Variants in CNTN4 observed in about 807,000 individuals in gnomAD.
CNTN4 encodes contactin 4.
In CNTN4, 77 loss-of-function variants were observed where a neutral mutation model predicts 122.5. That is an observed-to-expected ratio of 0.63 (90% CI 0.52 to 0.76). The LOEUF (loss-of-function observed/expected upper bound fraction) is 0.76. Ranked by LOEUF, CNTN4 falls within the 30% of genes least tolerant of loss-of-function variation. CNTN4 has a pLI of 0.00. For missense variants in CNTN4, 1,256 were observed against 1,259.1 expected (o/e 1.00, Z 0.04); for synonymous variants, 512 against 447.0 (o/e 1.15, Z -1.83).
chr3:2,276,526 G>A (rs370601336), intron 2 of CNTN4, among the ~76,000 whole-genome samples: 3 of 152,110 alleles, frequency 2.0e-5, no homozygotes, highest in Non-Finnish European at 2.9e-5. Flanking sequence ...GGTCAATTAA[G>A]TGGTAGGTAT....
intron 3 of CNTN4, among the ~76,000 whole-genome samples, chr3:2,467,371 T>C (rs1418460995): frequency 6.6e-6 from 1 of 152,218 alleles, no homozygotes; most frequent in Non-Finnish European, 1.5e-5. Context: ...TGGACAGTTA[T>C]TAACTCTACT....
At chr3:2,251,541 A>C (rs1382137723) in intron 2 of CNTN4, among the ~76,000 whole-genome samples, 2 of 151,878 alleles carry the variant, frequency 1.3e-5, no homozygotes, top group African/African-American at 4.8e-5. Context: ...AAAATGAAAA[A>C]AAGAATGAAT....
chr3:2,602,929 C>T (rs2081108471), intron 4 of CNTN4, among the ~76,000 whole-genome samples: 1 of 152,132 alleles, frequency 6.6e-6, no homozygotes, highest in Non-Finnish European at 1.5e-5. Context: ...TAGAGTATTT[C>T]CTATTGTATT....
In CNTN4 at chr3:3,034,615, G is replaced by T. The variant is rs1238298869; in HGVS notation, c.1784-17G>T. The T allele has an allele frequency of 3.1e-6, 5 of 1,613,936 alleles. No homozygotes were observed. Among genetic ancestry groups the T allele is most frequent in the Non-Finnish European group, 4.2e-6 (5 of 1,179,856 alleles). The stretch of plus-strand genomic sequence containing the variant: ...TGAATACACTGCTCCAATTCTGGGG[G>T]TCTTGCTCTTTCCCAGGTCCTCCAG... On this transcript the variant is annotated splice_polypyrimidine_tract_variant and intron_variant, in intron 16 of 24. Coordinates refer to ENST00000418658, the MANE Select transcript of CNTN4 (RefSeq NM_175607.3).
chr3:2,720,566 C>G (rs187035776), intron 4 of CNTN4, among the ~76,000 whole-genome samples: 81 of 152,202 alleles, frequency 5.3e-4, no homozygotes, highest in African/African-American at 1.7e-3. Context: ...AAATTTGTGT[C>G]CATGGTGATT....
chr3:2,876,837 AG>A (rs1292268932), intron 8 of CNTN4, among the ~76,000 whole-genome samples: 1 of 152,220 alleles, frequency 6.6e-6, no homozygotes, highest in Non-Finnish European at 1.5e-5. Context: ...CTCCATTGCT[AG>A]TACTCTCCCA....
intron 2 of CNTN4, among the ~76,000 whole-genome samples, chr3:2,143,277 G>A (rs2035089720): frequency 6.6e-6 from 1 of 152,072 alleles, no homozygotes; most frequent in Non-Finnish European, 1.5e-5. Flanking sequence ...CATTTGGTTT[G>A]CAGTTACCTT....
intron 3 of CNTN4, among the ~76,000 whole-genome samples, chr3:2,562,559 T>G (rs1407091075): frequency 6.6e-6 from 1 of 152,174 alleles, no homozygotes. Flanking sequence ...AGAACATCAT[T>G]TCATTCATTT....
At chr3:2,275,919 C>CAAAAAAAAAAAAAAAAAA (rs767326367) in intron 2 of CNTN4, among the ~76,000 whole-genome samples, 1 of 107,062 alleles carries the variant, frequency 9.3e-6, no homozygotes, top group Non-Finnish European at 1.8e-5. Context: ...GACTCTGTCT[C>CAAAAAAAAAAAAAAAAAA]AAAAAAAAAA....
intron 13 of CNTN4, among the ~76,000 whole-genome samples, chr3:2,943,931 T>A (rs1466390884): frequency 6.6e-6 from 1 of 152,112 alleles, no homozygotes; most frequent in Non-Finnish European, 1.5e-5. Flanking sequence ...TTGGAAGTGT[T>A]TGCAATGCTG....
intron 4 of CNTN4, among the ~76,000 whole-genome samples, chr3:2,726,724 A>C (rs927611624): frequency 6.6e-6 from 1 of 152,320 alleles, no homozygotes; most frequent in African/African-American, 2.4e-5. Flanking sequence ...TTAGGGTAGT[A>C]CACTACTCTG....
chr3:2,682,717 C>T (rs1013030226), intron 4 of CNTN4, among the ~76,000 whole-genome samples: 5 of 151,960 alleles, frequency 3.3e-5, no homozygotes, highest in African/African-American at 2.4e-5. Context: ...AAGATCTAGA[C>T]AAAAAGGATC....
chr3:2,456,073 A>G (rs2048988200), intron 3 of CNTN4, among the ~76,000 whole-genome samples: 2 of 152,068 alleles, frequency 1.3e-5, no homozygotes, highest in Admixed American at 6.6e-5. Context: ...ACTATCATGA[A>G]TTGAGGTGAA....
chr3:2,961,182 A>G (rs1255818792), intron 13 of CNTN4, among the ~76,000 whole-genome samples: 1 of 132,946 alleles, frequency 7.5e-6, no homozygotes, highest in East Asian at 2.7e-4. Context: ...GTGAGCCGAG[A>G]TTGGACCACT....
chr3:2,195,732 TC>T, intron 2 of CNTN4, among the ~76,000 whole-genome samples: 1 of 152,340 alleles, frequency 6.6e-6, no homozygotes, highest in East Asian at 1.9e-4. Context: ...GCTATTCTAT[TC>T]CTGGAGGTTT....
At chr3:2,880,158 G>A (rs552394070) in intron 8 of CNTN4, among the ~76,000 whole-genome samples, 2 of 152,266 alleles carry the variant, frequency 1.3e-5, no homozygotes, top group East Asian at 1.9e-4. Flanking sequence ...CTCCTTGGTG[G>A]AATTTTCATG....
At chr3:2,789,683 G>A (rs1189530880) in intron 6 of CNTN4, among the ~76,000 whole-genome samples, 1 of 152,148 alleles carries the variant, frequency 6.6e-6, no homozygotes, top group Non-Finnish European at 1.5e-5. Flanking sequence ...CACCTGCCTT[G>A]GCCTCCCAAA....
At position 2,894,214 on chromosome 3, in the gene CNTN4, T is replaced by A. The variant is rs555037954; in HGVS notation, c.941-6471T>A. On this transcript the variant is annotated intron_variant, in intron 10 of 24. Coordinates refer to ENST00000418658, the MANE Select transcript of CNTN4 (RefSeq NM_175607.3). ...TCATGATATTTTGTTTTGATTGAAG[T>A]ATATGAAGAAAATATGGTCTGACAC... 2.0e-4 allele frequency among the ~76,000 whole-genome samples: 31 copies of A among 152,278 alleles called. 1 individual carries two copies. In the East Asian group the frequency reaches 5.8e-3, roughly 28 times the overall value.
At chr3:2,732,789 T>G (rs944271625) in intron 4 of CNTN4, among the ~76,000 whole-genome samples, 1 of 152,194 alleles carries the variant, frequency 6.6e-6, no homozygotes, top group Non-Finnish European at 1.5e-5. Flanking sequence ...TGGGTTTTTT[T>G]TAATACCTTG....
Sources: gnomAD v4.1 joint callset for allele counts (sites outside exome capture counted in the v4.1 genomes callset) on GRCh38, gnomAD v4.1.1 for gene constraint, MANE v1.5 for transcripts, NCBI Gene and HGNC (gene_info 2026-07-23, HGNC 2026-07-21) for gene names.